The following PLCE1 variants were observed in gnomAD, a reference collection of about 807,000 sequenced individuals.
PLCE1 encodes 1-phosphatidylinositol 4,5-bisphosphate phosphodiesterase epsilon-1.
Under a neutral mutation model 242.8 loss-of-function variants are expected in PLCE1, and 119 were observed. That is an observed-to-expected ratio of 0.49 (90% confidence interval 0.42 to 0.57). The LOEUF is 0.57. PLCE1 is among the 20% of genes least tolerant of loss of function. PLCE1 has a pLI of 0.00. For synonymous variants in PLCE1, 945 were observed against 1,017.4 expected (o/e 0.93, Z 1.35); for missense variants, 2,441 against 2,788.8 (o/e 0.88, Z 2.81).
chr10:94,181,437 G>A (rs1033686864), intron 4 of PLCE1, among the ~76,000 whole-genome samples: 9 of 151,948 alleles, frequency 5.9e-5, no homozygotes, highest in East Asian at 1.9e-4. Flanking sequence ...TTAGCCGGGC[G>A]TGGTGGCAGG....
At chr10:94,209,435 T>G (rs2049264833) in intron 4 of PLCE1, among the ~76,000 whole-genome samples, 1 of 152,246 alleles carries the variant, frequency 6.6e-6, no homozygotes. Context: ...TTTTCAGATA[T>G]TCTTTGTTTT....
At chr10:94,070,384 G>C (rs1564661848) in intron 2 of PLCE1, among the ~76,000 whole-genome samples, 2 of 152,100 alleles carry the variant, frequency 1.3e-5, no homozygotes, top group East Asian at 1.9e-4. Flanking sequence ...TTAGTGTAAG[G>C]GGTCCCCAAA....
At chr10:94,103,627 T>TA (rs1165817655) in intron 2 of PLCE1, among the ~76,000 whole-genome samples, 2 of 152,184 alleles carry the variant, frequency 1.3e-5, no homozygotes, top group Non-Finnish European at 2.9e-5. Context: ...TCTGCACATG[T>TA]ACCCCAGAAC....
At chr10:94,260,657 T>C (rs1036786676) in intron 13 of PLCE1, among the ~76,000 whole-genome samples, 5 of 151,546 alleles carry the variant, frequency 3.3e-5, no homozygotes, top group Non-Finnish European at 7.4e-5. Context: ...TCATGTATTT[T>C]TTATTTTTGT....
chr10:94,039,920 A>G (rs545117802), intron 2 of PLCE1, among the ~76,000 whole-genome samples: 1 of 152,314 alleles, frequency 6.6e-6, no homozygotes, highest in African/African-American at 2.4e-5. Flanking sequence ...TATTCTGGAT[A>G]TAAGTTCATT....
chr10:94,015,340 G>C (rs1349331816), intron 1 of PLCE1, among the ~76,000 whole-genome samples: 2 of 150,768 alleles, frequency 1.3e-5, no homozygotes, highest in Non-Finnish European at 3.0e-5. Flanking sequence ...AGTCAGGATA[G>C]AAAAAAAAAT....
At chr10:94,020,589 T>C (rs1009277477) in intron 1 of PLCE1, among the ~76,000 whole-genome samples, 11 of 152,224 alleles carry the variant, frequency 7.2e-5, no homozygotes, top group African/African-American at 2.7e-4. Flanking sequence ...TTTAGAAGTT[T>C]ATAATTTTAG....
At chr10:94,312,870 T>C (rs571658248) in intron 27 of PLCE1, among the ~76,000 whole-genome samples, 11 of 152,242 alleles carry the variant, frequency 7.2e-5, no homozygotes, top group Non-Finnish European at 1.5e-4. Context: ...GCCTGAATGA[T>C]GTACTCTCTA....
chr10:94,269,862 G>A (rs1468210887), intron 17 of PLCE1, among the ~76,000 whole-genome samples: 1 of 152,140 alleles, frequency 6.6e-6, no homozygotes, highest in African/African-American at 2.4e-5. Flanking sequence ...GTTGAGTTAT[G>A]CAATTACTAC....
intron 4 of PLCE1, among the ~76,000 whole-genome samples, chr10:94,207,622 A>G (rs2049202961): frequency 6.6e-6 from 1 of 151,792 alleles, no homozygotes; most frequent in African/African-American, 2.4e-5. Flanking sequence ...AGAGGCAATG[A>G]GCACATGAAG....
chr10:94,243,505 C>T (rs1159007031), intron 7 of PLCE1, among the ~76,000 whole-genome samples: 1 of 152,182 alleles, frequency 6.6e-6, no homozygotes, highest in African/African-American at 2.4e-5. Flanking sequence ...TGAATTATGA[C>T]ACATATACCA....
At chr10:94,088,324 T>A (rs921797242) in intron 2 of PLCE1, 1 of 152,264 alleles carries the variant, frequency 6.6e-6, no homozygotes, top group Admixed American at 6.5e-5. Flanking sequence ...AACCAAATAT[T>A]CTGCCTCTGG....
At chr10:94,046,458 G>A (rs1410948448) in intron 2 of PLCE1, among the ~76,000 whole-genome samples, 4 of 152,196 alleles carry the variant, frequency 2.6e-5, no homozygotes, top group Admixed American at 6.5e-5. Context: ...AGCACTGCAA[G>A]GGCCTTAGAG....
Position 94,246,069 on chromosome 10 carries a change from G to T in PLCE1, c.2544G>T (p.Trp848Cys), listed in dbSNP as rs2050668279. 5.0e-6 allele frequency: 8 copies of T among 1,614,002 alleles called. No individual in the cohort carries two copies. Among genetic ancestry groups the T allele is most frequent in the Non-Finnish European group, 6.8e-6 (8 of 1,180,020 alleles). The change falls in exon 8 of 33, where the codon TGG becomes TGT. Residue 848 changes from tryptophan (W) to cysteine (C), a missense_variant. Transcript: ENST00000371380. ...AFDHGTELIP[W>C]YVLSIQADVH... ...ACCATGGGACGGAGCTCATCCCTTGGTACGTGCTGTCCATCCAAGCCGATG... is the reference window on the plus strand; with the variant it reads ...ACCATGGGACGGAGCTCATCCCTTGTTACGTGCTGTCCATCCAAGCCGATG...
At chr10:94,163,819 G>A (rs2047700621) in intron 3 of PLCE1, among the ~76,000 whole-genome samples, 1 of 152,150 alleles carries the variant, frequency 6.6e-6, no homozygotes, top group Non-Finnish European at 1.5e-5. Context: ...CATGTTTAGT[G>A]CTTCCTTCAG....
At chr10:94,138,281 G>T in intron 3 of PLCE1, 1 of 340,526 alleles carries the variant, frequency 2.9e-6, no homozygotes, top group South Asian at 2.6e-5. Context: ...TGTGCGTATT[G>T]ACCTTCCATG....
At chr10:94,243,965 T>A (rs2050594513) in intron 7 of PLCE1, among the ~76,000 whole-genome samples, 1 of 152,214 alleles carries the variant, frequency 6.6e-6, no homozygotes, top group Non-Finnish European at 1.5e-5. Flanking sequence ...TTTTCATTGC[T>A]GTACAGAATT....
intron 2 of PLCE1, among the ~76,000 whole-genome samples, chr10:94,039,149 T>C (rs1180652716): frequency 6.6e-6 from 1 of 152,222 alleles, no homozygotes; most frequent in Admixed American, 6.5e-5. Context: ...TTGTTGGACA[T>C]TGAGTTGTTT....
rs553185094 is a variant in PLCE1 at position 94,183,638 on chromosome 10, A to C, written c.1809+12142A>C. Among the ~76,000 whole-genome samples, 6 of 152,320 alleles carry C rather than the reference A, an allele frequency of 3.9e-5. No homozygotes were observed. The East Asian group carries it at 9.7e-4, about 25-fold the overall frequency. ...TACTAGGCTATTCTTGCATTGCTAT[A>C]GAGAGATACCTGAGGCTGGGTAATG... On this transcript the variant is annotated intron_variant, in intron 4 of 32. Coordinates refer to ENST00000371380, the MANE Select transcript of PLCE1 (RefSeq NM_016341.4).
Sources: allele counts gnomAD v4.1 joint callset (sites outside exome capture counted in the v4.1 genomes callset), GRCh38; gene constraint gnomAD v4.1.1; transcripts MANE v1.5; gene names NCBI Gene and HGNC (gene_info 2026-07-23, HGNC 2026-07-21).